The following RANBP2 variants were observed in gnomAD, a reference collection of about 807,000 sequenced individuals.
The protein encoded by RANBP2 is E3 SUMO-protein ligase RanBP2.
A neutral mutation model predicts 303.6 loss-of-function variants in RANBP2; 57 were observed. The observed-to-expected ratio is 0.19, with a 90% CI of 0.15 to 0.23. The LOEUF is 0.23. Among genes scored for constraint, RANBP2 ranks in the 10% least tolerant of loss-of-function variants. RANBP2 has a pLI of 1.00. For missense variants in RANBP2, 3,138 were observed against 3,780.8 expected (o/e 0.83, Z 4.46); for synonymous variants, 1,167 against 1,301.5 (o/e 0.90, Z 2.23).
chr2:109,354,814 CT>C, the RANBP2 span, among the ~76,000 whole-genome samples: 3 of 152,234 alleles, frequency 2.0e-5, no homozygotes, highest in Admixed American at 1.3e-4. Context: ...AAAACACAGA[CT>C]TTGGAAGAGC....
chr2:109,038,979 G>T, the RANBP2 span, among the ~76,000 whole-genome samples: 29 of 152,216 alleles, frequency 1.9e-4, no homozygotes, highest in Admixed American at 2.6e-4. Context: ...ATGGTATCCA[G>T]TTGTTTGGTC....
At chr2:109,395,631 C>T in the RANBP2 span, among the ~76,000 whole-genome samples, 959 of 152,330 alleles carry the variant, frequency 6.3e-3, 11 homozygotes, top group African/African-American at 0.022. Context: ...TGTCTCCCCA[C>T]CCTCACTCTC....
chr2:109,350,233 ACCAT>A, the RANBP2 span, among the ~76,000 whole-genome samples: 1 of 152,184 alleles, frequency 6.6e-6, no homozygotes, highest in Non-Finnish European at 1.5e-5. Context: ...GGGCAATGTC[ACCAT>A]GGCTGCCCAG....
At chr2:108,753,213 C>G in intron 13 of RANBP2, 54 bp downstream of exon 13, 2 of 1,611,382 alleles carry the variant, frequency 1.2e-6, no homozygotes, top group South Asian at 1.1e-5. Context: ...AGTTTATAAA[C>G]AAAGACATAG....
At chr2:109,670,969 G>C in the RANBP2 span, among the ~76,000 whole-genome samples, 1 of 152,198 alleles carries the variant, frequency 6.6e-6, no homozygotes, top group African/African-American at 2.4e-5. Flanking sequence ...CCCCACCCCA[G>C]GCCCCAGTGC....
the RANBP2 span, among the ~76,000 whole-genome samples, chr2:109,623,514 G>A: frequency 6.6e-6 from 1 of 152,234 alleles, no homozygotes; most frequent in Non-Finnish European, 1.5e-5. Context: ...CTCTAAGAGG[G>A]TGACCTATCT....
chr2:109,501,374 A>C, the RANBP2 span: 1 of 527,250 alleles, frequency 1.9e-6, no homozygotes, highest in Non-Finnish European at 3.4e-6. Flanking sequence ...AATAAAGATA[A>C]ATAGAAATTG....
chr2:109,391,085 G>T, the RANBP2 span, among the ~76,000 whole-genome samples: 45 of 152,356 alleles, frequency 3.0e-4, no homozygotes, highest in Middle Eastern at 6.8e-3. Flanking sequence ...GTCCATAAGA[G>T]GGGGCTGAAA....
chr2:109,407,315 C>T, the RANBP2 span, among the ~76,000 whole-genome samples: 1 of 152,178 alleles, frequency 6.6e-6, no homozygotes, highest in Non-Finnish European at 1.5e-5. Context: ...GCAGGGAGAA[C>T]ATCAAAAGAC....
At chr2:109,515,111 C>A in the RANBP2 span, among the ~76,000 whole-genome samples, 2 of 152,206 alleles carry the variant, frequency 1.3e-5, no homozygotes, top group African/African-American at 2.4e-5. Context: ...GTTTACCGCA[C>A]ATGCTGGATG....
the RANBP2 span, among the ~76,000 whole-genome samples, chr2:109,135,260 C>T: frequency 6.6e-6 from 1 of 152,176 alleles, no homozygotes; most frequent in Non-Finnish European, 1.5e-5. Flanking sequence ...GTCTGAAGCC[C>T]ACACACAGGA....
the RANBP2 span, among the ~76,000 whole-genome samples, chr2:109,735,626 G>A: frequency 6.6e-6 from 1 of 152,052 alleles, no homozygotes; most frequent in Admixed American, 6.6e-5. Context: ...TCTGGGACTA[G>A]TTAAAAAAAA....
chr2:109,528,542 G>A, the RANBP2 span, among the ~76,000 whole-genome samples: 2 of 152,154 alleles, frequency 1.3e-5, no homozygotes, highest in African/African-American at 2.4e-5. Flanking sequence ...AGGGGTCTGC[G>A]GCTTAGAACA....
chr2:108,824,605 A>T, the RANBP2 span, among the ~76,000 whole-genome samples: 4 of 152,146 alleles, frequency 2.6e-5, no homozygotes, highest in South Asian at 2.1e-4. Flanking sequence ...ACTTTTTTTT[A>T]AAAAAATAAC....
At chr2:109,549,340 C>T in the RANBP2 span, among the ~76,000 whole-genome samples, 1 of 152,270 alleles carries the variant, frequency 6.6e-6, no homozygotes, top group Middle Eastern at 3.4e-3. Flanking sequence ...CTTGAAAGGT[C>T]ACACAGCACT....
chr2:109,426,205 G>A, the RANBP2 span, among the ~76,000 whole-genome samples: 7 of 152,278 alleles, frequency 4.6e-5, no homozygotes, highest in East Asian at 1.9e-4. Flanking sequence ...CACTGCGCCC[G>A]GCCAAGCAGT....
the RANBP2 span, chr2:109,371,665 C>T: frequency 3.1e-6 from 5 of 1,613,756 alleles, no homozygotes; most frequent in East Asian, 2.2e-5. Context: ...GGGATCTTCC[C>T]GCTCCTGTAC....
At chr2:109,585,514 T>C in the RANBP2 span, among the ~76,000 whole-genome samples, 1 of 152,158 alleles carries the variant, frequency 6.6e-6, no homozygotes, top group Non-Finnish European at 1.5e-5. Context: ...TACTCAGGAC[T>C]CTGACAACAA....
the RANBP2 span, among the ~76,000 whole-genome samples, chr2:109,388,232 C>T: frequency 1.2e-3 from 190 of 152,346 alleles, 1 homozygote; most frequent in Non-Finnish European, 2.1e-3. Context: ...ACTGAGTTGT[C>T]TTCCCCTCTC....
Sources: allele counts gnomAD v4.1 joint callset (sites outside exome capture counted in the v4.1 genomes callset), GRCh38; gene constraint gnomAD v4.1.1; transcripts MANE v1.5; gene names NCBI Gene and HGNC (gene_info 2026-07-23, HGNC 2026-07-21).